NCK1: variants seen among roughly 807,000 people sequenced by gnomAD.
The protein encoded by NCK1 is SH2/SH3 adapter protein NCK1.
NCK1 carries 19 observed loss-of-function variants against 36.6 expected under a neutral mutation model. That is an observed-to-expected ratio of 0.52 (90% CI 0.36 to 0.76). The LOEUF (loss-of-function observed/expected upper bound fraction) is 0.76. Among genes scored for constraint, NCK1 ranks in the 30% least tolerant of loss-of-function variants. The pLI is 0.00. For missense variants in NCK1, 358 were observed against 445.6 expected (o/e 0.80, Z 1.77); for synonymous variants, 165 against 156.0 (o/e 1.06, Z -0.43).
intron 1 of NCK1, among the ~76,000 whole-genome samples, chr3:136,907,624 C>G (rs571630629): frequency 5.5e-4 from 83 of 152,276 alleles, no homozygotes; most frequent in African/African-American, 1.8e-3. Flanking sequence ...CAGTGCTTCT[C>G]GTCACCACCC....
chr3:136,913,756 C>A (rs1334328552), intron 1 of NCK1, among the ~76,000 whole-genome samples: 2 of 152,214 alleles, frequency 1.3e-5, no homozygotes, highest in Non-Finnish European at 2.9e-5. Context: ...GCAAGCTCCG[C>A]CTCCCGGGTT....
rs1459923829 is a variant in NCK1 at position 136,922,100 on chromosome 3, G to C, written c.-18-5884G>C. Among the ~76,000 whole-genome samples the C allele has an allele frequency of 2.0e-5, 3 of 152,088 alleles. No individual in the cohort carries two copies. The East Asian group carries it at 5.8e-4, about 29-fold the overall frequency. On this transcript the variant is annotated intron_variant, in intron 1 of 3. Transcript: ENST00000481752. ...GCCCGGCCACTGAGTGGTTTTTAAGGGCAATAGGTGGTCCATGTGAGTAGG... is the reference window on the plus strand; with the variant it reads ...GCCCGGCCACTGAGTGGTTTTTAAGCGCAATAGGTGGTCCATGTGAGTAGG...
chr3:136,909,335 G>T (rs1939774560), intron 1 of NCK1, among the ~76,000 whole-genome samples: 1 of 152,172 alleles, frequency 6.6e-6, no homozygotes, highest in South Asian at 2.1e-4. Context: ...GAGGGGAAGG[G>T]CATGCTAGAC....
At chr3:136,943,516 A>C (rs1180998253) in intron 2 of NCK1, among the ~76,000 whole-genome samples, 1 of 152,236 alleles carries the variant, frequency 6.6e-6, no homozygotes, top group Non-Finnish European at 1.5e-5. Flanking sequence ...GAAATTATAG[A>C]AAATGAAAGT....
Position 136,885,894 on chromosome 3 carries a change from TA to T in NCK1, c.-19+23545del, listed in dbSNP as rs1256792909. Among the ~76,000 whole-genome samples the T allele has an allele frequency of 2.0e-5, 3 of 152,202 alleles. No individual in the cohort carries two copies. In the East Asian group the frequency reaches 5.8e-4, roughly 29 times the overall value. On this transcript the variant is annotated intron_variant, in intron 1 of 3. Coordinates refer to ENST00000481752, the MANE Select transcript of NCK1 (RefSeq NM_001291999.2). ...TGTTATAAAGTTGGAATGGCTAACT[TA>T]AAAGCTTCCATAGACATAATATTTA...
At chr3:136,864,972 T>C (rs1938371819) in intron 1 of NCK1, among the ~76,000 whole-genome samples, 1 of 150,810 alleles carries the variant, frequency 6.6e-6, no homozygotes, top group Admixed American at 6.6e-5. Flanking sequence ...TTTGTTTTTT[T>C]TTTTGAGACG....
rs147730403 is a variant in NCK1 at position 136,891,311 on chromosome 3, T to A, written c.-19+28958T>A. ...CACCATGCCTGGTTAATTTTGTATT[T>A]TTAATAGAGATGGGGGTTTCGCCAT... On this transcript the variant is annotated intron_variant, in intron 1 of 3. Coordinates refer to ENST00000481752, the MANE Select transcript of NCK1 (RefSeq NM_001291999.2). Among the ~76,000 whole-genome samples the A allele has an allele frequency of 7.5e-3, 1,149 of 152,288 alleles. 19 individuals are homozygous for A. The highest frequency in any genetic ancestry group is 0.025 in the African/African-American group (1,038 of 41,556).
At chr3:136,891,495 C>T (rs1939244259) in intron 1 of NCK1, among the ~76,000 whole-genome samples, 1 of 152,190 alleles carries the variant, frequency 6.6e-6, no homozygotes, top group Admixed American at 6.5e-5. Flanking sequence ...CCAATATGAA[C>T]ATGGGTGTAC....
intron 1 of NCK1, among the ~76,000 whole-genome samples, chr3:136,876,162 AG>A (rs1157569205): frequency 2.6e-4 from 39 of 150,358 alleles, no homozygotes; most frequent in African/African-American, 3.2e-4. Flanking sequence ...CAGTGTGTAG[AG>A]GGAAATTTAT....
At chr3:136,870,890 T>C (rs1938595978) in intron 1 of NCK1, among the ~76,000 whole-genome samples, 1 of 152,154 alleles carries the variant, frequency 6.6e-6, no homozygotes, top group African/African-American at 2.4e-5. Flanking sequence ...GCTACTAGTA[T>C]CAGACAGATG....
At chr3:136,918,881 G>T (rs929100338) in intron 1 of NCK1, among the ~76,000 whole-genome samples, 1 of 152,164 alleles carries the variant, frequency 6.6e-6, no homozygotes. Context: ...TTTCACTAAT[G>T]ACCGTGTAAC....
rs1940791124 is a variant in NCK1, at chr3:136,945,586, T to C, written c.230T>C (p.Ile77Thr). Reference protein sequence around the residue: ...IVKNLKDTLGIGKVKRKPSVP... With the variant: ...IVKNLKDTLGTGKVKRKPSVP... ...TGGCCCTTTTTAATTTCAACAGGCATTGGAAAAGTGAAAAGAAAACCTAGT... is the reference window on the plus strand; with the variant it reads ...TGGCCCTTTTTAATTTCAACAGGCACTGGAAAAGTGAAAAGAAAACCTAGT... Residue 77 changes from isoleucine to threonine, a missense_variant, in exon 3 of 4, where the codon ATT becomes ACT. Transcript: ENST00000481752. The C allele has an allele frequency of 1.9e-6, 3 of 1,593,998 alleles. No individual in the cohort carries two copies. The highest frequency in any genetic ancestry group is 2.3e-5 in the South Asian group (2 of 88,622).
rs781006157 is a variant in NCK1, at chr3:136,948,593, T to C, written c.*140T>C. The C allele has an allele frequency of 5.6e-6, 4 of 711,754 alleles. No homozygotes were observed. Among genetic ancestry groups the C allele is most frequent in the Non-Finnish European group, 9.3e-6 (4 of 432,376 alleles). 44.1% of individuals were successfully genotyped at this position (711,754 alleles called of 1,614,324 possible). Reference sequence around the variant, plus strand: ...GAGAATTGACAATAAGTATTTTTATTATAACTCAGCCCATACATATATACT... The same window carrying C: ...GAGAATTGACAATAAGTATTTTTATCATAACTCAGCCCATACATATATACT... On this transcript the variant is annotated 3_prime_UTR_variant, in exon 4 of 4. Coordinates refer to ENST00000481752, the MANE Select transcript of NCK1 (RefSeq NM_001291999.2).
intron 1 of NCK1, among the ~76,000 whole-genome samples, chr3:136,868,849 G>A (rs1938523906): frequency 6.6e-6 from 1 of 152,178 alleles, no homozygotes; most frequent in East Asian, 1.9e-4. Context: ...TCTCTTTTGA[G>A]TGTTAGAACT....
intron 1 of NCK1, among the ~76,000 whole-genome samples, chr3:136,922,073 G>A (rs1250345426): frequency 6.6e-6 from 1 of 152,194 alleles, no homozygotes; most frequent in Non-Finnish European, 1.5e-5. Flanking sequence ...GTGAGCCACC[G>A]CGCCCGGCCA....
At chr3:136,931,270 C>CATAA (rs1368717289) in intron 2 of NCK1, among the ~76,000 whole-genome samples, 1 of 152,062 alleles carries the variant, frequency 6.6e-6, no homozygotes, top group Non-Finnish European at 1.5e-5. Flanking sequence ...TAGTGGCCTC[C>CATAA]TTATGATCTT....
intron 1 of NCK1, among the ~76,000 whole-genome samples, chr3:136,873,237 C>T (rs1938677463): frequency 6.6e-6 from 1 of 152,214 alleles, no homozygotes; most frequent in African/African-American, 2.4e-5. Flanking sequence ...AAATCCACTT[C>T]TTGGATCAGC....
Position 136,948,633 on chromosome 3 carries a change from T to C in NCK1, c.*180T>C. 2.0e-6 allele frequency: 1 copy of C among 508,502 alleles called. No individual in the cohort carries two copies. Among genetic ancestry groups the C allele is most frequent in the African/African-American group, 1.9e-5 (1 of 51,540 alleles). The allele number at this position is 508,502 out of a possible 1,614,324, so 31.5% of individuals were successfully genotyped here. Reference sequence around the variant, plus strand: ...ACATATATACTATGTATGCAGTGCATCTGCATAGAACAGTTCCTTATCCTT... The same window carrying C: ...ACATATATACTATGTATGCAGTGCACCTGCATAGAACAGTTCCTTATCCTT... On this transcript the variant is annotated 3_prime_UTR_variant, in exon 4 of 4. Transcript: ENST00000481752.
intron 2 of NCK1, chr3:136,930,658 T>C (rs752183903): frequency 1.0e-4 from 135 of 1,311,272 alleles, no homozygotes; most frequent in Non-Finnish European, 1.3e-4. Flanking sequence ...TTTCTGCTTT[T>C]GTAAATTTAA....
Sources: gnomAD v4.1 joint callset for allele counts (sites outside exome capture counted in the v4.1 genomes callset) on GRCh38, gnomAD v4.1.1 for gene constraint, MANE v1.5 for transcripts, NCBI Gene and HGNC (gene_info 2026-07-23, HGNC 2026-07-21) for gene names.